The following N4BP2 variants were observed in gnomAD, a reference collection of about 807,000 sequenced individuals.
The protein encoded by N4BP2 is NEDD4 binding protein 2.
In N4BP2, 91 loss-of-function variants were observed where a neutral mutation model predicts 152.8. That is an observed-to-expected ratio of 0.60 (90% CI 0.50 to 0.71). The LOEUF is 0.71. Among genes scored for constraint, N4BP2 ranks in the 30% least tolerant of loss-of-function variants. The pLI, the probability that N4BP2 is intolerant of heterozygous loss-of-function variation, is 0.00. For synonymous variants in N4BP2, 646 were observed against 705.3 expected (o/e 0.92, Z 1.33); for missense variants, 1,923 against 2,059.1 (o/e 0.93, Z 1.28).
At chr4:40,161,471 A>C (rs1721858008), downstream of N4BP2, among the ~76,000 whole-genome samples, 1 of 152,206 alleles carries the variant, frequency 6.6e-6, no homozygotes, top group African/African-American at 2.4e-5. Flanking sequence ...CAATTTGTGG[A>C]CCTTTTTTGG....
chr4:40,169,427 T>C, the N4BP2 span, among the ~76,000 whole-genome samples: 1 of 151,268 alleles, frequency 6.6e-6, no homozygotes, highest in East Asian at 1.9e-4. Context: ...TTTCACATTA[T>C]TTGATGAAAT....
chr4:40,058,738 A>G (rs1448455836), intron 1 of N4BP2, among the ~76,000 whole-genome samples: 3 of 152,154 alleles, frequency 2.0e-5, no homozygotes, highest in Non-Finnish European at 4.4e-5. Flanking sequence ...GTATGTACAC[A>G]GTAGAAGCTA....
chr4:40,075,715 T>G (rs1187414715), intron 2 of N4BP2, among the ~76,000 whole-genome samples: 1 of 152,058 alleles, frequency 6.6e-6, no homozygotes, highest in African/African-American at 2.4e-5. Context: ...TATTTCTATA[T>G]TCCACCAACT....
intron 1 of N4BP2, among the ~76,000 whole-genome samples, chr4:40,060,879 A>G (rs896994212): frequency 1.3e-5 from 2 of 152,204 alleles, no homozygotes; most frequent in Non-Finnish European, 2.9e-5. Context: ...TGCTGGGAAT[A>G]TGGGCCCGAG....
rs1717752848 is a variant in N4BP2, at chr4:40,120,318, A to G, written c.2207A>G (p.Asp736Gly). 1 of 1,612,720 alleles carries G rather than the reference A, an allele frequency of 6.2e-7. No individual in the cohort carries two copies. Among genetic ancestry groups the G allele is most frequent in the East Asian group, 2.2e-5 (1 of 44,872 alleles). Reference protein sequence around the residue: ...STCCSENNQEDCDLANSGPLQ... With the variant: ...STCCSENNQEGCDLANSGPLQ... ...TGCTGTAGTGAAAATAATCAAGAAG[A>G]CTGTGATCTTGCAAATAGTGGACCA... The change falls in exon 9 of 18, where the codon GAC becomes GGC. Residue 736 changes from aspartate to glycine, a missense_variant. Physicochemically the swap from Asp to Gly is moderately conservative, Grantham distance 94 (BLOSUM62 -1). Transcript: ENST00000261435.
At chr4:40,067,190 C>T (rs1487993529) in intron 1 of N4BP2, among the ~76,000 whole-genome samples, 2 of 151,046 alleles carry the variant, frequency 1.3e-5, no homozygotes, top group African/African-American at 4.9e-5. Flanking sequence ...TTCTGAGTAG[C>T]TGGAACCACA....
At chr4:40,153,745 T>C (rs959497501) in intron 17 of N4BP2, among the ~76,000 whole-genome samples, 1 of 152,150 alleles carries the variant, frequency 6.6e-6, no homozygotes. Context: ...ACCAGAACAT[T>C]ATGTTGAGAT....
intron 3 of N4BP2, chr4:40,100,156 A>G: frequency 2.3e-6 from 1 of 441,654 alleles, no homozygotes; most frequent in Non-Finnish European, 4.6e-6. Context: ...CCATATTACA[A>G]ATGAGAAAAT....
chr4:40,159,051 T>C (rs1296612902), downstream of N4BP2, among the ~76,000 whole-genome samples: 2 of 152,212 alleles, frequency 1.3e-5, no homozygotes, highest in Non-Finnish European at 2.9e-5. Context: ...AAGAGAATTT[T>C]ATTACATAGG....
intron 1 of N4BP2, among the ~76,000 whole-genome samples, chr4:40,063,634 TA>T (rs1366837843): frequency 1.3e-5 from 2 of 152,114 alleles, no homozygotes; most frequent in Non-Finnish European, 1.5e-5. Context: ...TATTTTTAAT[TA>T]AATTAATTAA....
chr4:40,172,388 C>A, the N4BP2 span, among the ~76,000 whole-genome samples: 5 of 152,174 alleles, frequency 3.3e-5, no homozygotes, highest in African/African-American at 1.2e-4. Context: ...CCAGGAACAA[C>A]ACTTTGCATC....
At chr4:40,125,151 G>T (rs1485323519) in intron 11 of N4BP2, among the ~76,000 whole-genome samples, 1 of 152,108 alleles carries the variant, frequency 6.6e-6, no homozygotes, top group Non-Finnish European at 1.5e-5. Flanking sequence ...CCAGACCTGT[G>T]CTCATGTCAT....
chr4:40,102,015 A>T, intron 3 of N4BP2, 60 bp from the exon 4 acceptor site: 1 of 1,049,510 alleles, frequency 9.5e-7, no homozygotes, highest in Non-Finnish European at 1.3e-6. Context: ...TAATAAAATT[A>T]TTAAATCTGT....
chr4:40,169,604 G>C, the N4BP2 span, among the ~76,000 whole-genome samples: 117,757 of 151,000 alleles, frequency 0.78, 46,143 homozygotes, highest in East Asian at 0.98. Context: ...ACCTACAAAA[G>C]CCAGCAAGAG....
At chr4:40,141,249 C>T (rs1159322470) in intron 14 of N4BP2, among the ~76,000 whole-genome samples, 2 of 150,644 alleles carry the variant, frequency 1.3e-5, no homozygotes, top group South Asian at 2.1e-4. Context: ...CTGGACGGGG[C>T]GGCTGGCCTG....
intron 2 of N4BP2, among the ~76,000 whole-genome samples, chr4:40,094,366 GTGT>G (rs1290316910): frequency 2.0e-5 from 3 of 151,986 alleles, no homozygotes; most frequent in African/African-American, 7.3e-5. Context: ...TTAATTATTG[GTGT>G]TGTTGAGTTC....
At chr4:40,141,719 T>C (rs1719993535) in intron 14 of N4BP2, among the ~76,000 whole-genome samples, 1 of 152,150 alleles carries the variant, frequency 6.6e-6, no homozygotes, top group African/African-American at 2.4e-5. Flanking sequence ...TCCGGCACTT[T>C]GGGAGGCCAG....
chr4:40,108,285 C>A (rs1716516427), intron 5 of N4BP2, among the ~76,000 whole-genome samples: 1 of 151,722 alleles, frequency 6.6e-6, no homozygotes, highest in Non-Finnish European at 1.5e-5. Flanking sequence ...GGAATTTGAC[C>A]AGTTAACCAC....
intron 2 of N4BP2, among the ~76,000 whole-genome samples, chr4:40,075,018 A>C (rs1054868194): frequency 1.3e-5 from 2 of 151,992 alleles, no homozygotes; most frequent in Admixed American, 1.3e-4. Flanking sequence ...AAAAAAAAAA[A>C]AGTAAATAAA....
Sources: allele counts gnomAD v4.1 joint callset (sites outside exome capture counted in the v4.1 genomes callset), GRCh38; gene constraint gnomAD v4.1.1; transcripts MANE v1.5; gene names NCBI Gene and HGNC (gene_info 2026-07-23, HGNC 2026-07-21).